The following NFATC3 variants were observed in gnomAD, a reference collection of about 807,000 sequenced individuals.
NFATC3 encodes the protein nuclear factor of activated T cells 3, also known as nuclear factor of activated T-cells, cytoplasmic 3.
In NFATC3, 46 loss-of-function variants were observed where a neutral mutation model predicts 98.6. That is an observed-to-expected ratio of 0.47 (90% confidence interval 0.37 to 0.60). NFATC3 has a LOEUF of 0.60. NFATC3 is among the 20% of genes least tolerant of loss of function. NFATC3 has a pLI of 0.00. For missense variants in NFATC3, 1,256 were observed against 1,295.5 expected, an observed-to-expected ratio of 0.97 and a Z score of 0.47; for synonymous variants, 512 against 472.2, an observed-to-expected ratio of 1.08 and a Z score of -1.09.
intron 3 of NFATC3, chr16:68,138,803 C>A: frequency 8.0e-7 from 1 of 1,247,762 alleles, no homozygotes; most frequent in Middle Eastern, 2.2e-4. Context: ...GGTTAGTGTG[C>A]CTTCTATGCC....
intron 9 of NFATC3, among the ~76,000 whole-genome samples, chr16:68,195,206 G>A (rs1447549702): frequency 2.6e-5 from 4 of 152,044 alleles, no homozygotes; most frequent in Non-Finnish European, 4.4e-5. Context: ...AGTGAGCTGA[G>A]ATCGCGCCAT....
chr16:68,123,075 C>T lies in NFATC3; in HGVS notation c.1192C>T (p.Pro398Ser). Residue 398 changes from proline to serine, a missense_variant, in exon 2 of 10, where the codon CCC (proline) becomes TCC (serine). Pro to Ser is a moderately conservative substitution (Grantham distance 74). Transcript: ENST00000346183. Reference sequence around the variant, plus strand: ...TGATCAGTTTCTTTCAGTTCCTTCACCCTTTACCTGGAGCAAACCAAAGCC... The same window carrying T: ...TGATCAGTTTCTTTCAGTTCCTTCATCCTTTACCTGGAGCAAACCAAAGCC... ...CGDQFLSVPSPFTWSKPKPGH... is the reference protein window; with the variant it reads ...CGDQFLSVPSSFTWSKPKPGH... 1.9e-6 allele frequency: 3 copies of T among 1,608,428 alleles called. No homozygotes were observed. The highest frequency in any genetic ancestry group is 2.5e-6 in the Non-Finnish European group (3 of 1,179,944).
intron 2 of NFATC3, among the ~76,000 whole-genome samples, chr16:68,124,772 C>G (rs980645536): frequency 2.0e-5 from 3 of 151,384 alleles, no homozygotes; most frequent in Non-Finnish European, 4.4e-5. Flanking sequence ...CACTGTCGCC[C>G]AGGCTCAAGT....
chr16:68,192,004 C>G, intron 9 of NFATC3: 2 of 475,732 alleles, frequency 4.2e-6, no homozygotes, highest in Non-Finnish European at 7.6e-6. Context: ...GTCAGGAGTT[C>G]AAGACCAGCC....
chr16:68,224,469 T>G (rs113224793), intron 9 of NFATC3, among the ~76,000 whole-genome samples: 1,990 of 151,508 alleles, frequency 0.013, 43 homozygotes, highest in African/African-American at 0.045. Context: ...TAGAGACAGG[T>G]TTTCACCATC....
intron 9 of NFATC3, among the ~76,000 whole-genome samples, chr16:68,194,792 C>T (rs770598562): frequency 6.6e-6 from 1 of 151,890 alleles, no homozygotes; most frequent in Non-Finnish European, 1.5e-5. Flanking sequence ...GGTAGAGGGT[C>T]GGATAGGCAA....
At chr16:68,143,841 G>T (rs1373344202) in intron 3 of NFATC3, among the ~76,000 whole-genome samples, 1 of 152,040 alleles carries the variant, frequency 6.6e-6, no homozygotes, top group East Asian at 1.9e-4. Flanking sequence ...AACAGAGCGA[G>T]ACTCCATCTC....
chr16:68,121,957 GTT>G (rs57424404), intron 1 of NFATC3, 28 bp from the exon 2 acceptor site: 181,282 of 1,287,922 alleles, frequency 0.14, 6,248 homozygotes, highest in South Asian at 0.2. Flanking sequence ...GTTTTGTTGG[GTT>G]TTTTTTTTTT....
chr16:68,195,821 A>C (rs2040644870), intron 9 of NFATC3, among the ~76,000 whole-genome samples: 1 of 152,170 alleles, frequency 6.6e-6, no homozygotes, highest in Non-Finnish European at 1.5e-5. Flanking sequence ...AAATAAAATA[A>C]AATAAATAAA....
intron 3 of NFATC3, among the ~76,000 whole-genome samples, chr16:68,135,457 C>CAAAAAAAAAAAAAAAAAAAA: frequency 1.3e-5 from 1 of 78,726 alleles, no homozygotes; most frequent in African/African-American, 5.5e-5. Flanking sequence ...GACTCCGTCT[C>CAAAAAAAAAAAAAAAAAAAA]AAAAAAAAAA....
intron 9 of NFATC3, chr16:68,214,540 T>C: frequency 1.2e-6 from 1 of 830,304 alleles, no homozygotes; most frequent in Non-Finnish European, 2.0e-6. Flanking sequence ...ACGGGCATTT[T>C]CTGGTAGGCC....
At chr16:68,144,668 T>A (rs937743280) in intron 3 of NFATC3, among the ~76,000 whole-genome samples, 76 of 152,162 alleles carry the variant, frequency 5.0e-4, no homozygotes, top group Non-Finnish European at 9.0e-4. Context: ...TTTATTTTTT[T>A]TATTTTTTAG....
chr16:68,162,570 G>GTTA (rs972540025), intron 4 of NFATC3, among the ~76,000 whole-genome samples: 5 of 149,260 alleles, frequency 3.3e-5, no homozygotes, highest in Admixed American at 2.7e-4. Context: ...CATGGGCTTG[G>GTTA]TTATTTCAAG....
chr16:68,152,233 G>C (rs1370147501), intron 3 of NFATC3, among the ~76,000 whole-genome samples: 2 of 148,250 alleles, frequency 1.3e-5, no homozygotes, highest in Non-Finnish European at 3.0e-5. Flanking sequence ...AAAAAAATTA[G>C]CTGGGCATGG....
At chr16:68,174,242 T>C in intron 5 of NFATC3, 132 bp from the exon 6 acceptor site, 1 of 595,788 alleles carries the variant, frequency 1.7e-6, no homozygotes, top group East Asian at 3.2e-5. Flanking sequence ...TCTTGAATTT[T>C]AAAAGCCTAA....
At chr16:68,126,872 A>T (rs992842177) in intron 3 of NFATC3, among the ~76,000 whole-genome samples, 10 of 152,172 alleles carry the variant, frequency 6.6e-5, no homozygotes, top group Non-Finnish European at 1.3e-4. Flanking sequence ...TTTTTCTGAC[A>T]AACAAATATG....
chr16:68,121,980 C>T lies in NFATC3; in HGVS notation c.104-7C>T, dbSNP rs778127047. The stretch of plus-strand genomic sequence containing the variant: ...GGGTTTTTTTTTTTTTGCCTTCCTC[C>T]CCGTAGATCTTGAGCCAGATGATTG... On this transcript the variant is annotated splice_polypyrimidine_tract_variant and splice_region_variant and intron_variant, in intron 1 of 9. Transcript: ENST00000346183. 2 of 1,549,802 alleles carry T rather than the reference C, an allele frequency of 1.3e-6. No homozygotes were observed. Among genetic ancestry groups the T allele is most frequent in the South Asian group, 2.5e-5 (2 of 81,246 alleles).
intron 3 of NFATC3, among the ~76,000 whole-genome samples, chr16:68,137,900 G>A (rs867763476): frequency 2.6e-5 from 4 of 152,110 alleles, no homozygotes; most frequent in East Asian, 3.9e-4. Flanking sequence ...GATTACAGGC[G>A]TGAGCCACCG....
intron 9 of NFATC3, chr16:68,221,351 G>A: frequency 1.3e-6 from 2 of 1,595,736 alleles, no homozygotes; most frequent in South Asian, 2.2e-5. Context: ...CAGAGGACTT[G>A]CATGATTAAC....
Sources: allele counts gnomAD v4.1 joint callset (sites outside exome capture counted in the v4.1 genomes callset), GRCh38; gene constraint gnomAD v4.1.1; transcripts MANE v1.5; gene names NCBI Gene and HGNC (gene_info 2026-07-23, HGNC 2026-07-21).